The following RYR1 variants were observed in gnomAD, a reference collection of about 807,000 sequenced individuals.
RYR1 encodes ryanodine receptor 1, also known as central core disease of muscle.
RYR1 carries 342 observed loss-of-function variants against 583.5 expected under a neutral mutation model. That is an observed-to-expected ratio of 0.59 (90% CI 0.54 to 0.64). The LOEUF (loss-of-function observed/expected upper bound fraction) is 0.64. Among genes scored for constraint, RYR1 ranks in the 30% least tolerant of loss-of-function variants. The pLI is 0.00. For synonymous variants in RYR1, 2,791 were observed against 2,822.5 expected, an observed-to-expected ratio of 0.99 and a Z score of 0.35; for missense variants, 6,032 against 6,917.2, an observed-to-expected ratio of 0.87 and a Z score of 4.54.
Position 38,565,374 on chromosome 19 carries a change from G to A in RYR1, c.13040G>A (p.Gly4347Asp). The A allele has an allele frequency of 2.2e-6, 3 of 1,334,368 alleles. No individual in the cohort carries two copies. The highest frequency in any genetic ancestry group is 2.9e-6 in the Non-Finnish European group (3 of 1,052,338). 82.7% of individuals were successfully genotyped at this position (1,334,368 alleles called of 1,614,324 possible). ...WAAVTRAGAA[G>D]AGAAAGALGL... ...GCAGTGACGCGCGCTGGGGCCGCTG[G>A]CGCGGGGGCGGCGGCGGGCGCGCTG... The change falls in exon 91 of 106, where the codon GGC becomes GAC. Residue 4347 changes from glycine to aspartate, a missense_variant. Gly to Asp is a moderately conservative substitution (Grantham distance 94). Transcript: ENST00000359596. This position sits in a 1 kb window ranked among gnomAD's most constrained non-coding sequence, Gnocchi z 4.7.
At chr19:38,524,007 C>G (rs1433777984) in intron 70 of RYR1, 78 bp downstream of exon 70, 4 of 1,541,182 alleles carry the variant, frequency 2.6e-6, no homozygotes, top group Non-Finnish European at 3.6e-6. Context: ...GCCCCCGCCT[C>G]GAGAAAACCC....
chr19:38,484,694 C>T (rs568150390), intron 33 of RYR1, among the ~76,000 whole-genome samples: 4 of 152,254 alleles, frequency 2.6e-5, no homozygotes, highest in African/African-American at 9.6e-5. Context: ...TTTATGGGTA[C>T]AGTGGCTCAT....
At position 38,444,101 on chromosome 19, in the gene RYR1, TG is replaced by T; in HGVS notation, c.425-45del. 6.6e-7 allele frequency: 1 copy of T among 1,508,512 alleles called. No homozygotes were observed. The allele number at this position is 1,508,512 out of a possible 1,614,324, so 93.4% of individuals were successfully genotyped here. ...GGGAGAGCCCTGGGGAAGAGCATTC[TG>T]GGAAGCCATCATCTGACAGCCACCC... is the stretch of plus-strand genomic sequence containing the variant. On this transcript the variant is annotated intron_variant, in intron 5 of 105. Coordinates refer to ENST00000359596, the MANE Select transcript of RYR1 (RefSeq NM_000540.3). The surrounding 1 kb of genome is among the most constrained non-coding windows in gnomAD (Gnocchi z 5.1).
At position 38,459,170 on chromosome 19, in the gene RYR1, C is replaced by A; in HGVS notation, c.2192C>A (p.Ser731Tyr). 1.2e-6 allele frequency: 2 copies of A among 1,613,752 alleles called. No individual in the cohort carries two copies. Among genetic ancestry groups the A allele is most frequent in the South Asian group, 1.1e-5 (1 of 91,060 alleles). The change falls in exon 19 of 106, where the codon TCC becomes TAC. Residue 731 changes from serine (S) to tyrosine (Y), a missense_variant. Physicochemically the swap from Ser to Tyr is moderately radical, Grantham distance 144. Coordinates refer to ENST00000359596, the MANE Select transcript of RYR1 (RefSeq NM_000540.3). ...WTGHVARPVT[S>Y]PGQHLLAPED... is the part of the protein sequence containing the mutation. ...GGACACGTGGCACGCCCAGTGACTT[C>A]CCCAGGGCAGCACCTCCTGGCCCCT... is the stretch of plus-strand genomic sequence containing the variant.
rs1967675559 is a variant in RYR1 at position 38,460,516 on chromosome 19, G to A, written c.2502G>A (p.Arg834=). The change falls in exon 20 of 106, where the codon CGG becomes CGA. Residue 834 remains arginine, a synonymous_variant. Transcript: ENST00000359596. ...AGGAGTATCGACGGGAGGGGCCCCG[G>A]GGGCCTCACCTGGTGGGCCCCAGTC... ...PIKEYRREGP[R]GPHLVGPSRC... The A allele has an allele frequency of 6.2e-7, 1 of 1,614,020 alleles. No individual in the cohort carries two copies. The highest frequency in any genetic ancestry group is 1.3e-5 in the African/African-American group (1 of 74,952).
chr19:38,581,437 C>T (rs1023957402), intron 101 of RYR1, among the ~76,000 whole-genome samples: 1 of 152,072 alleles, frequency 6.6e-6, no homozygotes, highest in African/African-American at 2.4e-5. Flanking sequence ...GTCTCCATCT[C>T]TGCCTGTGCC....
chr19:38,504,802 G>A lies in RYR1; in HGVS notation c.8122G>A (p.Gly2708Arg), dbSNP rs755527895. Residue 2708 changes from glycine (G) to arginine (R), a missense_variant, in exon 51 of 106, where the codon GGG (glycine) becomes AGG (arginine). Coordinates refer to ENST00000359596, the MANE Select transcript of RYR1 (RefSeq NM_000540.3). ...CATGCCTTGTCTGTGCGCCATTGCC[G>A]GGGCTCTGCCCCCCGACTATGTGGA... ...MAMPCLCAIA[G>R]ALPPDYVDAS... 2 of 1,614,092 alleles carry A rather than the reference G, an allele frequency of 1.2e-6. No homozygotes were observed. Among genetic ancestry groups the A allele is most frequent in the Non-Finnish European group, 8.5e-7 (1 of 1,179,988 alleles).
At position 38,499,728 on chromosome 19, in the gene RYR1, C is replaced by G; in HGVS notation, c.7121C>G (p.Ser2374Ter). The G allele has an allele frequency of 6.2e-7, 1 of 1,601,888 alleles. No homozygotes were observed. Among genetic ancestry groups the G allele is most frequent in the Non-Finnish European group, 8.5e-7 (1 of 1,179,502 alleles). The change falls in exon 44 of 106, where the codon TCA becomes TGA. Residue 2374 changes from serine (S) to a stop codon, truncating the protein, a stop_gained. Coordinates refer to ENST00000359596, the MANE Select transcript of RYR1 (RefSeq NM_000540.3). LOFTEE classifies it high-confidence loss of function. The surrounding 1 kb of genome is among the most constrained non-coding windows in gnomAD (Gnocchi z 7.3). ...CCCGCCCTGCGGGGTGAGGGTGGCT[C>G]AGGGCTGCTGGCTGCCATCGAAGAG... ...FGPALRGEGG[S>*]GLLAAIEEAI...
intron 101 of RYR1, among the ~76,000 whole-genome samples, 186 bp from the exon 102 acceptor site, chr19:38,584,757 C>T (rs1186778777): frequency 6.7e-6 from 1 of 150,326 alleles, no homozygotes; most frequent in Admixed American, 6.7e-5. Flanking sequence ...CGTGCTGTTC[C>T]TGTCACAGCC....
Position 38,466,317 on chromosome 19 carries a change from A to G in RYR1, c.3097A>G (p.Ser1033Gly), listed in dbSNP as rs1015730929. The change falls in exon 24 of 106, where the codon AGC becomes GGC. Residue 1033 changes from serine to glycine, a missense_variant. Around this residue, in one of 11 missense-constraint regions of RYR1, gnomAD observed 2,627 missense variants for 2,961.3 expected, o/e 0.89. Coordinates refer to ENST00000359596, the MANE Select transcript of RYR1 (RefSeq NM_000540.3). Reference protein sequence around the residue: ...YRLLDEATKRSNRDSLCQAVR... With the variant: ...YRLLDEATKRGNRDSLCQAVR... ...CCTGCTGGATGAAGCCACCAAGCGC[A>G]GCAACCGGGACAGCCTCTGCCAGGC... The G allele has an allele frequency of 6.2e-7, 1 of 1,608,388 alleles. No individual in the cohort carries two copies. Among genetic ancestry groups the G allele is most frequent in the Non-Finnish European group, 8.5e-7 (1 of 1,178,256 alleles).
chr19:38,566,969 T>A lies in RYR1; in HGVS notation c.13496T>A (p.Leu4499Gln). 1 of 1,601,316 alleles carries A rather than the reference T, an allele frequency of 6.2e-7. No homozygotes were observed. Residue 4499 changes from leucine to glutamine, a missense_variant, in exon 92 of 106, where the codon CTG becomes CAG. Physicochemically the swap from Leu to Gln is moderately radical, Grantham distance 113 (BLOSUM62 -2). Around this residue, in one of 11 missense-constraint regions of RYR1, gnomAD observed 753 missense variants for 759.6 expected, o/e 0.99. Transcript: ENST00000359596. ...PEPEPEPEPE[L>Q]EPEKADAENG... ...CCAGAGCCCGAGCCGGAACCAGAGC[T>A]GGAGCCGGAGAAAGCCGAGTGAGTG...
At chr19:38,536,967 T>TC (rs1971999745) in intron 83 of RYR1, 200 bp downstream of exon 83, 2 of 625,106 alleles carry the variant, frequency 3.2e-6, no homozygotes, top group African/African-American at 3.7e-5. Flanking sequence ...CCACTGAGAA[T>TC]ACATGGGCCT....
At chr19:38,526,608 T>C (rs922198738) in intron 71 of RYR1, among the ~76,000 whole-genome samples, 4 of 147,150 alleles carry the variant, frequency 2.7e-5, no homozygotes, top group East Asian at 2.1e-4. Context: ...AGTGACTCCG[T>C]TGACCTACGT....
intron 71 of RYR1, among the ~76,000 whole-genome samples, chr19:38,526,570 T>G (rs536771563): frequency 1.5e-4 from 21 of 142,332 alleles, no homozygotes; most frequent in Non-Finnish European, 2.6e-4. Context: ...CCCACCCTGC[T>G]GATGCCCCCT....
At chr19:38,542,438 G>GA (rs1277426512) in intron 84 of RYR1, among the ~76,000 whole-genome samples, 1 of 152,082 alleles carries the variant, frequency 6.6e-6, no homozygotes, top group African/African-American at 2.4e-5. Context: ...AAATTTGTTG[G>GA]AAAAAACTGA....
At chr19:38,550,805 G>T (rs1972632225) in intron 89 of RYR1, among the ~76,000 whole-genome samples, 1 of 151,992 alleles carries the variant, frequency 6.6e-6, no homozygotes, top group Admixed American at 6.6e-5. Context: ...ATACTTTGAG[G>T]CTATGTAAAT....
At chr19:38,451,336 C>A (rs1967064259) in intron 11 of RYR1, among the ~76,000 whole-genome samples, 1 of 151,972 alleles carries the variant, frequency 6.6e-6, no homozygotes, top group Non-Finnish European at 1.5e-5. Context: ...GATGGTCTCA[C>A]CTCGTGGAAA....
chr19:38,536,290 C>T (rs1421907644), intron 82 of RYR1, among the ~76,000 whole-genome samples: 25 of 143,056 alleles, frequency 1.7e-4, no homozygotes, highest in Non-Finnish European at 3.5e-4. Context: ...CGCCCCCCCC[C>T]GCCACCAGAA....
At chr19:38,522,974 C>T in intron 67 of RYR1, 54 bp from the exon 68 acceptor site, 1 of 1,414,490 alleles carries the variant, frequency 7.1e-7, no homozygotes, top group Non-Finnish European at 9.7e-7. Context: ...CTCTGGGCAG[C>T]CCCCTTCCCT....
Sources: gnomAD v4.1 joint callset for allele counts (sites outside exome capture counted in the v4.1 genomes callset) on GRCh38, gnomAD v4.1.1 for gene constraint, gnomAD v4.1.1 regional missense constraint, Gnocchi (gnomAD v3.1) non-coding constraint, MANE v1.5 for transcripts, NCBI Gene and HGNC (gene_info 2026-07-23, HGNC 2026-07-21) for gene names.